Variants in CDIN1 observed in about 807,000 individuals in gnomAD.
CDIN1 encodes CDAN1-interacting nuclease 1.
CDIN1 carries 33 observed loss-of-function variants against 45.3 expected under a neutral mutation model. That is an observed-to-expected ratio of 0.73 (90% CI 0.55 to 0.97). The LOEUF (loss-of-function observed/expected upper bound fraction) is 0.97. Ranked by LOEUF, CDIN1 falls within the 50% of genes least tolerant of loss-of-function variation. The probability of loss-of-function intolerance (pLI) is 0.00; values close to 1 mark genes in which losing one functional copy is unlikely to be tolerated. For missense variants in CDIN1, 303 were observed against 339.4 expected, an observed-to-expected ratio of 0.89 and a Z score of 0.84; for synonymous variants, 118 against 124.4, an observed-to-expected ratio of 0.95 and a Z score of 0.34.
chr15:36,651,272 G>A (rs1358831411), intron 3 of CDIN1, among the ~76,000 whole-genome samples: 3 of 152,082 alleles, frequency 2.0e-5, no homozygotes, highest in Admixed American at 1.3e-4. Flanking sequence ...CATTTGTGTA[G>A]CCCTACCCCA....
At chr15:36,675,903 G>GT (rs1211877807) in intron 5 of CDIN1, among the ~76,000 whole-genome samples, 2 of 152,014 alleles carry the variant, frequency 1.3e-5, no homozygotes, top group Non-Finnish European at 2.9e-5. Context: ...AAGCTGACCT[G>GT]TACCTCGCCT....
rs185547382 is a variant in CDIN1 at position 36,625,975 on chromosome 15, A to T, written c.102-18303A>T. Among the ~76,000 whole-genome samples, 937 of 152,072 alleles carry T rather than the reference A, an allele frequency of 6.2e-3. 5 individuals carry two copies. The highest frequency in any genetic ancestry group is 0.01 in the Non-Finnish European group (685 of 67,992). ...CATTTTTATCAGATTATAGTAAGTA[A>T]ATTTATTCAAGATGAACTCTACAAA... On this transcript the variant is annotated intron_variant, in intron 1 of 10. Coordinates refer to ENST00000566621, the MANE Select transcript of CDIN1 (RefSeq NM_001321759.2).
intron 1 of CDIN1, chr15:36,618,704 G>T (rs2039011208): frequency 5.2e-6 from 4 of 774,350 alleles, no homozygotes; most frequent in South Asian, 4.0e-5. Context: ...CAGCAACTCA[G>T]TATGAGTACC....
chr15:36,762,635 C>A (rs1302626673), intron 10 of CDIN1, among the ~76,000 whole-genome samples: 2 of 150,698 alleles, frequency 1.3e-5, no homozygotes, highest in African/African-American at 2.4e-5. Flanking sequence ...TAATGCTATC[C>A]CTCCCCACTC....
intron 1 of CDIN1, chr15:36,613,630 C>G: frequency 6.9e-7 from 1 of 1,443,200 alleles, no homozygotes; most frequent in South Asian, 1.1e-5. Flanking sequence ...CCTCCTTGAA[C>G]CGTAGGATCA....
chr15:36,682,329 A>G (rs77211967), intron 5 of CDIN1, among the ~76,000 whole-genome samples: 1,748 of 152,280 alleles, frequency 0.011, 31 homozygotes, highest in African/African-American at 0.04. Context: ...GCTCCAAGGC[A>G]GAAAGAATTC....
intron 10 of CDIN1, among the ~76,000 whole-genome samples, chr15:36,796,367 A>C (rs1186379541): frequency 6.6e-6 from 1 of 152,212 alleles, no homozygotes; most frequent in Non-Finnish European, 1.5e-5. Context: ...TGGAGTAGTC[A>C]GTCATGGATT....
In CDIN1 at chr15:36,703,383, T is replaced by C. The variant is rs1235833187; in HGVS notation, c.545-5840T>C. Among the ~76,000 whole-genome samples the C allele has an allele frequency of 7.6e-4, 8 of 10,570 alleles. No homozygotes were observed. In the Admixed American group the frequency reaches 0.017, roughly 22 times the overall value. 6.9% of individuals were successfully genotyped at this position (10,570 alleles called of 152,430 possible). On this transcript the variant is annotated intron_variant, in intron 8 of 10. Coordinates refer to ENST00000566621, the MANE Select transcript of CDIN1 (RefSeq NM_001321759.2). ...CAGATAGATCTATCATATATATATATATCAGATATATATATATATGATATA... is the reference window on the plus strand; with the variant it reads ...CAGATAGATCTATCATATATATATACATCAGATATATATATATATGATATA...
intron 4 of CDIN1, 115 bp from the exon 5 acceptor site, chr15:36,657,718 T>C: frequency 1.4e-6 from 1 of 731,300 alleles, no homozygotes; most frequent in Non-Finnish European, 2.2e-6. Flanking sequence ...TTTTAATGAA[T>C]GATGCTTGCT....
chr15:36,730,978 A>G (rs1202896779), intron 10 of CDIN1, among the ~76,000 whole-genome samples: 1 of 152,060 alleles, frequency 6.6e-6, no homozygotes, highest in African/African-American at 2.4e-5. Flanking sequence ...AACCCCTTAC[A>G]TTAATGGAGA....
chr15:36,644,170 G>A lies in CDIN1; in HGVS notation c.102-108G>A, dbSNP rs1296031303. On this transcript the variant is annotated intron_variant, in intron 1 of 10. Transcript: ENST00000566621. Reference sequence around the variant, plus strand: ...ACAACTTTTCCACACTTGTTTTCATGTTCTGTTAGATTACAGGGCAGCAGG... The same window carrying A: ...ACAACTTTTCCACACTTGTTTTCATATTCTGTTAGATTACAGGGCAGCAGG... 3.9e-6 allele frequency: 4 copies of A among 1,023,934 alleles called. No homozygotes were observed. In the Admixed American group the frequency reaches 6.9e-5, roughly 18 times the overall value. 63.4% of individuals were successfully genotyped at this position (1,023,934 alleles called of 1,614,324 possible).
At chr15:36,739,135 A>G (rs974864940) in intron 10 of CDIN1, among the ~76,000 whole-genome samples, 57 of 152,176 alleles carry the variant, frequency 3.7e-4, no homozygotes, top group African/African-American at 1.2e-3. Context: ...GCTCATGCCT[A>G]TAATCCCAAC....
chr15:36,631,115 G>A (rs1029255209), intron 1 of CDIN1, among the ~76,000 whole-genome samples: 7 of 152,192 alleles, frequency 4.6e-5, no homozygotes, highest in Non-Finnish European at 1.0e-4. Context: ...CGTATCAGGA[G>A]AAATGATACA....
At chr15:36,706,652 A>C (rs2042877937) in intron 8 of CDIN1, 1 of 152,020 alleles carries the variant, frequency 6.6e-6, no homozygotes, top group Admixed American at 6.6e-5. Context: ...TCAAAGAAAA[A>C]TTTTCCCATC....
At chr15:36,668,921 C>T (rs1237784995) in intron 5 of CDIN1, 1 of 152,070 alleles carries the variant, frequency 6.6e-6, no homozygotes, top group Non-Finnish European at 1.5e-5. Flanking sequence ...ATAGTAGGCA[C>T]TCAAAGAATC....
At chr15:36,725,462 A>G (rs1478158096) in intron 10 of CDIN1, among the ~76,000 whole-genome samples, 2 of 152,156 alleles carry the variant, frequency 1.3e-5, no homozygotes, top group Non-Finnish European at 2.9e-5. Flanking sequence ...AAACTAAACA[A>G]ATGAGGAGGT....
At chr15:36,717,859 A>G (rs1286589427) in intron 10 of CDIN1, among the ~76,000 whole-genome samples, 3 of 152,060 alleles carry the variant, frequency 2.0e-5, no homozygotes, top group Non-Finnish European at 4.4e-5. Context: ...AGTCTTTTTA[A>G]CTCAAGGCTT....
At chr15:36,790,634 C>T (rs1009935222) in intron 10 of CDIN1, among the ~76,000 whole-genome samples, 1 of 152,070 alleles carries the variant, frequency 6.6e-6, no homozygotes, top group Non-Finnish European at 1.5e-5. Context: ...ATCACATGTA[C>T]CCCATAAATG....
At chr15:36,786,390 G>A (rs1169322346) in intron 10 of CDIN1, among the ~76,000 whole-genome samples, 1 of 152,176 alleles carries the variant, frequency 6.6e-6, no homozygotes, top group East Asian at 1.9e-4. Context: ...TGTGCTAAAT[G>A]TATAGATTTT....
Sources: allele counts gnomAD v4.1 joint callset (sites outside exome capture counted in the v4.1 genomes callset), GRCh38; gene constraint gnomAD v4.1.1; transcripts MANE v1.5; gene names NCBI Gene and HGNC (gene_info 2026-07-23, HGNC 2026-07-21).